Variants in ACACA observed in about 807,000 individuals in gnomAD.
ACACA encodes acetyl-CoA carboxylase 1.
In ACACA, 103 loss-of-function variants were observed where a neutral mutation model predicts 296.1. The observed-to-expected ratio is 0.35, with a 90% CI of 0.30 to 0.41. The LOEUF (loss-of-function observed/expected upper bound fraction) is 0.41. Ranked by LOEUF, ACACA falls within the 10% of genes least tolerant of loss-of-function variation. The pLI is 1.00. For missense variants in ACACA, 1,554 were observed against 2,989.7 expected, an observed-to-expected ratio of 0.52 and a Z score of 11.20; for synonymous variants, 953 against 1,038.6, an observed-to-expected ratio of 0.92 and a Z score of 1.58.
intron 9 of ACACA, among the ~76,000 whole-genome samples, chr17:37,273,014 G>A (rs1033697328): frequency 6.6e-6 from 1 of 152,044 alleles, no homozygotes; most frequent in South Asian, 2.1e-4. Flanking sequence ...AATGTTAGTC[G>A]ATAAGCAAAA....
intron 45 of ACACA, among the ~76,000 whole-genome samples, chr17:37,136,665 A>G (rs547890868): frequency 1.1e-4 from 16 of 152,198 alleles, no homozygotes; most frequent in African/African-American, 3.9e-4. Flanking sequence ...CATTTAGGCC[A>G]GGCACAGTGG....
chr17:37,178,973 C>T (rs1304362450), intron 41 of ACACA, among the ~76,000 whole-genome samples: 2 of 152,122 alleles, frequency 1.3e-5, no homozygotes, highest in Admixed American at 1.3e-4. Flanking sequence ...CAAATCATTG[C>T]ATCTGTAAAT....
chr17:37,107,197 C>T (rs983197491), intron 52 of ACACA, among the ~76,000 whole-genome samples: 1 of 152,184 alleles, frequency 6.6e-6, no homozygotes, highest in East Asian at 1.9e-4. Flanking sequence ...GCATGCGTAT[C>T]GGAACTTCTT....
chr17:37,201,048 ACT>A (rs1387397396), intron 33 of ACACA, among the ~76,000 whole-genome samples: 1 of 152,040 alleles, frequency 6.6e-6, no homozygotes, highest in East Asian at 1.9e-4. Context: ...TTTTTTAAAA[ACT>A]CTCTCTTTTA....
In ACACA at chr17:37,097,733, G is replaced by A; in HGVS notation, c.6720+97C>T. 5.5e-6 allele frequency: 8 copies of A among 1,443,904 alleles called. No individual in the cohort carries two copies. The South Asian group carries it at 6.3e-5, about 11-fold the overall frequency. 89.4% of individuals were successfully genotyped at this position (1,443,904 alleles called of 1,614,324 possible). A position where few individuals can be genotyped will look rare whatever the true frequency, so the allele number is the denominator to read the frequency against. On this transcript the variant is annotated intron_variant, in intron 53 of 55. Transcript: ENST00000616317. The surrounding 1 kb of genome is among the most constrained non-coding windows in gnomAD (Gnocchi z 4.8). ...GATCTGCAGAAGTTGTTTTAATTTG[G>A]CCCTCATAGCTCCCTGCTTATGAGC...
chr17:37,143,751 T>G, intron 45 of ACACA: 1 of 932,192 alleles, frequency 1.1e-6, no homozygotes, highest in Non-Finnish European at 1.8e-6. Context: ...TCCTTGTTTT[T>G]CTTGCTTTTT....
chr17:37,261,532 G>T (rs2081514291), intron 11 of ACACA, among the ~76,000 whole-genome samples: 2 of 152,216 alleles, frequency 1.3e-5, no homozygotes, highest in Admixed American at 1.3e-4. Flanking sequence ...CCTCAATCCT[G>T]CACCAGCAGG....
At chr17:37,343,763 CAA>C (rs1161272864) in intron 1 of ACACA, among the ~76,000 whole-genome samples, 40 of 67,074 alleles carry the variant, frequency 6.0e-4, no homozygotes, top group African/African-American at 9.3e-4. Context: ...GACTCTGTCT[CAA>C]AAAAAAAAAA....
intron 3 of ACACA, among the ~76,000 whole-genome samples, chr17:37,310,843 T>C (rs1461391989): frequency 8.5e-6 from 1 of 117,054 alleles, no homozygotes; most frequent in Non-Finnish European, 1.9e-5. Flanking sequence ...AGTAAAAAGA[T>C]AAGAAGGACC....
At chr17:37,359,564 G>A (rs2049320331) in intron 1 of ACACA, among the ~76,000 whole-genome samples, 1 of 152,216 alleles carries the variant, frequency 6.6e-6, no homozygotes, top group African/African-American at 2.4e-5. Context: ...TCCCGCATGC[G>A]CCTCGCATCA....
At chr17:37,154,659 G>A (rs2076169235) in intron 43 of ACACA, among the ~76,000 whole-genome samples, 1 of 152,048 alleles carries the variant, frequency 6.6e-6, no homozygotes, top group Non-Finnish European at 1.5e-5. Context: ...ACCAGGCCCG[G>A]CTAATTTGTA....
intron 52 of ACACA, among the ~76,000 whole-genome samples, chr17:37,100,218 G>A (rs1023028748): frequency 2.0e-5 from 3 of 152,228 alleles, no homozygotes; most frequent in Non-Finnish European, 4.4e-5. Context: ...GCCAGTGGGT[G>A]AAAGTTTGAT....
At chr17:37,366,375 G>A (rs766356935) in intron 1 of ACACA, among the ~76,000 whole-genome samples, 12 of 151,916 alleles carry the variant, frequency 7.9e-5, no homozygotes, top group Admixed American at 7.9e-4. Flanking sequence ...AAGAAAAATT[G>A]AGCCATCATT....
In ACACA at chr17:37,381,352, A is replaced by G. The variant is rs112806459; in HGVS notation, c.38+24910T>C. ...AGGTGCCCACCACCACACCCAGTGA[A>G]TTTCTGTATTTTTAGTAGAGACAAG... On this transcript the variant is annotated intron_variant, in intron 1 of 55. Coordinates refer to ENST00000616317, the MANE Select transcript of ACACA (RefSeq NM_198834.3). 6.1e-4 allele frequency among the ~76,000 whole-genome samples: 93 copies of G among 151,666 alleles called. 1 individual carries two copies. The highest frequency in any genetic ancestry group is 1.4e-3 in the Admixed American group (22 of 15,224).
chr17:37,279,360 C>T (rs1351301489), intron 5 of ACACA, among the ~76,000 whole-genome samples: 4 of 152,134 alleles, frequency 2.6e-5, no homozygotes, highest in African/African-American at 9.7e-5. Context: ...ATTGGCCAGG[C>T]GCAGTGGCTC....
At chr17:37,096,845 G>T in intron 54 of ACACA, 151 bp downstream of exon 54, 2 of 902,850 alleles carry the variant, frequency 2.2e-6, no homozygotes, top group East Asian at 2.4e-5. Flanking sequence ...ATGTTAGGGG[G>T]AGTAGCTGGG....
intron 45 of ACACA, among the ~76,000 whole-genome samples, chr17:37,136,914 G>C (rs1171549625): frequency 6.6e-6 from 1 of 151,072 alleles, no homozygotes; most frequent in African/African-American, 2.4e-5. Context: ...CTGTACTCCA[G>C]CCTGAGCGAC....
intron 51 of ACACA, 108 bp from the exon 52 acceptor site, chr17:37,111,751 ATC>A (rs2073982327): frequency 1.2e-6 from 1 of 842,354 alleles, no homozygotes; most frequent in Non-Finnish European, 2.0e-6. Flanking sequence ...TAGCTTCATT[ATC>A]ATTTTGCCCA....
intron 41 of ACACA, among the ~76,000 whole-genome samples, chr17:37,167,270 C>CTTTT (rs11387933): frequency 2.8e-5 from 3 of 105,558 alleles, no homozygotes; most frequent in African/African-American, 3.9e-5. Flanking sequence ...ATGGTATTTT[C>CTTTT]TTTTTTTTTT....
Sources: gnomAD v4.1 joint callset for allele counts (sites outside exome capture counted in the v4.1 genomes callset) on GRCh38, gnomAD v4.1.1 for gene constraint, Gnocchi (gnomAD v3.1) non-coding constraint, MANE v1.5 for transcripts, NCBI Gene and HGNC (gene_info 2026-07-23, HGNC 2026-07-21) for gene names.